ADIPOQ: variants seen among roughly 807,000 people sequenced by gnomAD.
ADIPOQ encodes the protein adiponectin.
A neutral mutation model predicts 16.1 loss-of-function variants in ADIPOQ; 19 were observed. The ratio of observed to expected loss-of-function variants is 1.18; its 90% CI spans 0.82 to 1.73. ADIPOQ has a LOEUF of 1.73. Ranked by LOEUF, ADIPOQ falls within the 40% of genes most tolerant of loss-of-function variation. ADIPOQ has a pLI of 0.00. For synonymous variants in ADIPOQ, 124 were observed against 125.5 expected, an observed-to-expected ratio of 0.99 and a Z score of 0.08; for missense variants, 323 against 308.3, an observed-to-expected ratio of 1.05 and a Z score of -0.36.
chr3:186,854,219 G>A lies in ADIPOQ; in HGVS notation c.250G>A (p.Gly84Arg), dbSNP rs199646033. 37 of 1,613,368 alleles carry A rather than the reference G, an allele frequency of 2.3e-5. No individual in the cohort carries two copies. In the South Asian group the frequency reaches 2.5e-4, roughly 11 times the overall value. Residue 84 changes from glycine to arginine, a missense_variant, in exon 3 of 3, where the codon GGA becomes AGA. Transcript: ENST00000320741. ...IGPKGDIGET[G>R]VPGAEGPRGF... The stretch of plus-strand genomic sequence containing the variant: ...TCCTAAGGGAGACATCGGTGAAACC[G>A]GAGTACCCGGGGCTGAAGGTCCCCG...
intron 2 of ADIPOQ, 125 bp downstream of exon 2, chr3:186,853,397 A>T: frequency 8.2e-7 from 1 of 1,220,676 alleles, no homozygotes; most frequent in Non-Finnish European, 1.2e-6. Context: ...GTTAACCATA[A>T]GCAACCTGAA....
chr3:186,851,212 A>C (rs897480066), intron 1 of ADIPOQ, among the ~76,000 whole-genome samples: 2 of 152,148 alleles, frequency 1.3e-5, no homozygotes, highest in Non-Finnish European at 2.9e-5. Context: ...AAAAATAGTG[A>C]ATTTTTAAGG....
At chr3:186,850,947 C>T (rs1352506348) in intron 1 of ADIPOQ, among the ~76,000 whole-genome samples, 2 of 151,656 alleles carry the variant, frequency 1.3e-5, no homozygotes, top group African/African-American at 4.8e-5. Context: ...CAAAATTTAT[C>T]TCATATATAT....
At chr3:186,851,852 A>G (rs1235539718) in intron 1 of ADIPOQ, 1 of 146,892 alleles carries the variant, frequency 6.8e-6, no homozygotes, top group African/African-American at 2.5e-5. Context: ...ATCCATTCTC[A>G]CACTGCTGTA....
chr3:186,852,927 A>G (rs1214679503), intron 1 of ADIPOQ, 124 bp from the exon 2 acceptor site: 3 of 977,806 alleles, frequency 3.1e-6, no homozygotes, highest in Non-Finnish European at 4.6e-6. Flanking sequence ...GAAAAGTTGA[A>G]TACTTAGAAA....
chr3:186,854,062 G>A (rs896526929), intron 2 of ADIPOQ, 122 bp from the exon 3 acceptor site: 22 of 1,064,438 alleles, frequency 2.1e-5, no homozygotes, highest in African/African-American at 4.8e-5. Flanking sequence ...GCTCTTATTG[G>A]TTTCTTGATC....
In ADIPOQ at chr3:186,854,219, G is replaced by T. The variant is rs199646033; in HGVS notation, c.250G>T (p.Gly84Ter). The T allele has an allele frequency of 1.9e-6, 3 of 1,613,368 alleles. No individual in the cohort carries two copies. The highest frequency in any genetic ancestry group is 2.7e-5 in the African/African-American group (2 of 74,912). ...TCCTAAGGGAGACATCGGTGAAACC[G>T]GAGTACCCGGGGCTGAAGGTCCCCG... ...IGPKGDIGETGVPGAEGPRGF... is the reference protein window; with the variant it reads ...IGPKGDIGET The change falls in exon 3 of 3, where the codon GGA becomes TGA. Residue 84 changes from glycine to a stop codon, truncating the protein, a stop_gained. Transcript: ENST00000320741. LOFTEE classifies it high-confidence loss of function.
intron 1 of ADIPOQ, among the ~76,000 whole-genome samples, chr3:186,843,944 C>T (rs1313457212): frequency 6.6e-6 from 1 of 152,096 alleles, no homozygotes; most frequent in African/African-American, 2.4e-5. Context: ...ACATGGATCC[C>T]TGGTCTGGAG....
chr3:186,849,603 T>C (rs1036402021), intron 1 of ADIPOQ, among the ~76,000 whole-genome samples: 1 of 152,320 alleles, frequency 6.6e-6, no homozygotes, highest in African/African-American at 2.4e-5. Flanking sequence ...AAATAAAGAC[T>C]CATGACACCT....
At chr3:186,846,124 G>A (rs1192135860) in intron 1 of ADIPOQ, among the ~76,000 whole-genome samples, 2 of 152,090 alleles carry the variant, frequency 1.3e-5, no homozygotes, top group Admixed American at 6.6e-5. Flanking sequence ...ATGGGAACTG[G>A]CTTCTATAAG....
Position 186,848,386 on chromosome 3 carries a change from T to C in ADIPOQ, c.-8-4665T>C, listed in dbSNP as rs754456153. ...AAAAATAGGTATTTTTATATGTTTGTCGTTTTATATATATGACCCCCACTT... is the reference window on the plus strand; with the variant it reads ...AAAAATAGGTATTTTTATATGTTTGCCGTTTTATATATATGACCCCCACTT... On this transcript the variant is annotated intron_variant, in intron 1 of 2. Transcript: ENST00000320741. Among the ~76,000 whole-genome samples, 12 of 151,956 alleles carry C rather than the reference T, an allele frequency of 7.9e-5. No homozygotes were observed. In the South Asian group the frequency reaches 8.3e-4, roughly 11 times the overall value.
chr3:186,850,902 A>G (rs1711728583), intron 1 of ADIPOQ, among the ~76,000 whole-genome samples: 1 of 151,894 alleles, frequency 6.6e-6, no homozygotes, highest in African/African-American at 2.4e-5. Context: ...AATGAACTAT[A>G]TATGTAATAT....
At chr3:186,852,699 C>A in intron 1 of ADIPOQ, 1 of 265,294 alleles carries the variant, frequency 3.8e-6, no homozygotes, top group Non-Finnish European at 7.2e-6. Flanking sequence ...CTTGGGAAAC[C>A]CAAGGATGGA....
At chr3:186,852,266 G>A (rs1261871737) in intron 1 of ADIPOQ, 1 of 152,552 alleles carries the variant, frequency 6.6e-6, no homozygotes, top group African/African-American at 2.4e-5. Flanking sequence ...ACCAGCCAAG[G>A]AGTGAGATGG....
chr3:186,854,889 T>A lies in ADIPOQ; in HGVS notation c.*185T>A, dbSNP rs1294285348. ...AAAAAATCATATGCTATGTTCCCAG[T>A]CCTGGGGAGCTTCACAAACATGACC... is the stretch of plus-strand genomic sequence containing the variant. On this transcript the variant is annotated 3_prime_UTR_variant, in exon 3 of 3. Transcript: ENST00000320741. 1.2e-6 allele frequency: 1 copy of A among 856,574 alleles called. No homozygotes were observed. Among genetic ancestry groups the A allele is most frequent in the Admixed American group, 2.6e-5 (1 of 38,570 alleles). 53.1% of individuals were successfully genotyped at this position (856,574 alleles called of 1,614,324 possible). A position where few individuals can be genotyped will look rare whatever the true frequency, so the allele number is the denominator to read the frequency against.
chr3:186,843,553 G>C (rs949958037), intron 1 of ADIPOQ, among the ~76,000 whole-genome samples: 18 of 152,060 alleles, frequency 1.2e-4, no homozygotes, highest in African/African-American at 4.1e-4. Flanking sequence ...CCAGCTTCTC[G>C]GGAGGCTGAG....
chr3:186,852,952 T>C (rs968778063), intron 1 of ADIPOQ, 99 bp from the exon 2 acceptor site: 1 of 1,265,918 alleles, frequency 7.9e-7, no homozygotes, highest in East Asian at 2.4e-5. Context: ...CTCCTAGAAG[T>C]AGACTCTGCT....
intron 1 of ADIPOQ, among the ~76,000 whole-genome samples, chr3:186,844,908 T>C (rs1250652761): frequency 1.3e-5 from 2 of 152,094 alleles, no homozygotes; most frequent in African/African-American, 4.8e-5. Context: ...GACATACGGC[T>C]AAAGTCAAGA....
rs1434375226 is a variant in ADIPOQ at position 186,848,542 on chromosome 3, T to C, written c.-8-4509T>C. Among the ~76,000 whole-genome samples, 16 of 152,266 alleles carry C rather than the reference T, an allele frequency of 1.1e-4. No individual in the cohort carries two copies. In the East Asian group the frequency reaches 2.9e-3, roughly 28 times the overall value. ...GACACGGAGCTTCTCAGACTCAGCT[T>C]CCTAATCCGCTAAACGGGATTATGT... On this transcript the variant is annotated intron_variant, in intron 1 of 2. Transcript: ENST00000320741.
Sources: allele counts gnomAD v4.1 joint callset (sites outside exome capture counted in the v4.1 genomes callset), GRCh38; gene constraint gnomAD v4.1.1; transcripts MANE v1.5; gene names NCBI Gene and HGNC (gene_info 2026-07-23, HGNC 2026-07-21).